Variants in FER observed in about 807,000 individuals in gnomAD.
FER encodes the protein FER tyrosine kinase, also known as tyrosine-protein kinase Fer.
Under a neutral mutation model 111.0 loss-of-function variants are expected in FER, and 63 were observed. That is an observed-to-expected ratio of 0.57 (90% CI 0.46 to 0.70). FER has a LOEUF of 0.70. Among genes scored for constraint, FER ranks in the 30% least tolerant of loss-of-function variants. The probability of loss-of-function intolerance (pLI) is 0.00; values close to 1 mark genes in which losing one functional copy is unlikely to be tolerated. For synonymous variants in FER, 327 were observed against 313.9 expected, an observed-to-expected ratio of 1.04 and a Z score of -0.44; for missense variants, 914 against 954.0, an observed-to-expected ratio of 0.96 and a Z score of 0.55.
At chr5:108,826,133 T>C (rs1362049304) in intron 3 of FER, among the ~76,000 whole-genome samples, 2 of 152,210 alleles carry the variant, frequency 1.3e-5, no homozygotes, top group African/African-American at 4.8e-5. Flanking sequence ...ATTTTTATCA[T>C]GAAAGGATGT....
chr5:109,146,150 G>T (rs999928455), intron 17 of FER, among the ~76,000 whole-genome samples: 1 of 120,030 alleles, frequency 8.3e-6, no homozygotes, highest in Non-Finnish European at 1.9e-5. Flanking sequence ...CAGAGAGGGG[G>T]ACTGATAGAA....
At chr5:109,021,846 A>G (rs1406130161) in intron 13 of FER, among the ~76,000 whole-genome samples, 1 of 152,114 alleles carries the variant, frequency 6.6e-6, no homozygotes, top group Non-Finnish European at 1.5e-5. Context: ...CATTACTACA[A>G]GAAGTAAAAT....
In FER at chr5:108,930,688, A is replaced by G. The variant is rs1025456078; in HGVS notation, c.1237-15442A>G. ...CAGGCTGGTTGTGCCATCTGGGTTC[A>G]CTGCAACCTCTGTCTCCTGAGTTCA... is the stretch of plus-strand genomic sequence containing the variant. On this transcript the variant is annotated intron_variant, in intron 10 of 19. Transcript: ENST00000281092. Among the ~76,000 whole-genome samples the G allele has an allele frequency of 3.6e-5, 5 of 139,284 alleles. No individual in the cohort carries two copies. The East Asian group carries it at 8.6e-4, about 24-fold the overall frequency. 91.4% of individuals were successfully genotyped at this position (139,284 alleles called of 152,430 possible).
intron 10 of FER, among the ~76,000 whole-genome samples, chr5:108,905,669 A>C (rs1750655990): frequency 6.6e-6 from 1 of 152,146 alleles, no homozygotes; most frequent in Admixed American, 6.5e-5. Flanking sequence ...AATTGATTTA[A>C]CAGTTAATTG....
At chr5:108,974,709 A>C (rs1561703303) in intron 13 of FER, among the ~76,000 whole-genome samples, 1 of 152,236 alleles carries the variant, frequency 6.6e-6, no homozygotes, top group Non-Finnish European at 1.5e-5. Context: ...TGGAAGAGGA[A>C]GGTAGAAGTC....
chr5:109,082,658 A>G (rs1181056082), intron 16 of FER, among the ~76,000 whole-genome samples: 4 of 151,708 alleles, frequency 2.6e-5, no homozygotes, highest in Non-Finnish European at 5.9e-5. Flanking sequence ...CCTGATTTTC[A>G]TTAAAACCCC....
chr5:108,835,193 C>T (rs577498287), intron 4 of FER, among the ~76,000 whole-genome samples: 8 of 124,376 alleles, frequency 6.4e-5, no homozygotes, highest in Non-Finnish European at 1.0e-4. Context: ...CACCCCCCCC[C>T]CCCCACTTTT....
chr5:108,771,748 G>A (rs1466572367), intron 2 of FER, among the ~76,000 whole-genome samples: 1 of 152,092 alleles, frequency 6.6e-6, no homozygotes, highest in African/African-American at 2.4e-5. Flanking sequence ...TAAAAAATAT[G>A]TTAAAAAATC....
At chr5:109,078,987 C>T (rs1378947285) in intron 16 of FER, among the ~76,000 whole-genome samples, 4 of 152,072 alleles carry the variant, frequency 2.6e-5, no homozygotes, top group Admixed American at 6.6e-5. Flanking sequence ...TATTTGTTCT[C>T]GTGTATCTGC....
At chr5:109,145,855 G>T (rs1754039127) in intron 17 of FER, among the ~76,000 whole-genome samples, 1 of 151,580 alleles carries the variant, frequency 6.6e-6, no homozygotes, top group African/African-American at 2.4e-5. Flanking sequence ...TTGAGTAGAT[G>T]TGCTGAATAT....
intron 5 of FER, among the ~76,000 whole-genome samples, chr5:108,848,328 GT>G (rs1762224473): frequency 6.6e-6 from 1 of 152,022 alleles, no homozygotes; most frequent in South Asian, 2.1e-4. Context: ...AAATGTAACT[GT>G]TTATAATGTT....
chr5:109,126,792 A>C (rs1223452594), intron 17 of FER, among the ~76,000 whole-genome samples: 1 of 152,248 alleles, frequency 6.6e-6, no homozygotes, highest in East Asian at 1.9e-4. Context: ...TAAGGTATAC[A>C]CTAGCTTTGA....
chr5:108,837,989 A>G (rs1246183886), intron 5 of FER, among the ~76,000 whole-genome samples: 9 of 152,214 alleles, frequency 5.9e-5, no homozygotes, highest in South Asian at 4.1e-4. Flanking sequence ...TACAGAATAT[A>G]TAGTTACTTT....
intron 13 of FER, 91 bp from the exon 14 acceptor site, chr5:109,037,331 C>A: frequency 3.1e-6 from 3 of 964,466 alleles, no homozygotes; most frequent in South Asian, 1.5e-5. Flanking sequence ...AATGAAATAT[C>A]CCTTTAGGTC....
At chr5:108,846,497 A>G (rs1391573885) in intron 5 of FER, among the ~76,000 whole-genome samples, 1 of 152,152 alleles carries the variant, frequency 6.6e-6, no homozygotes, top group Non-Finnish European at 1.5e-5. Flanking sequence ...TTGTCTTTTC[A>G]GGAATTTGTC....
intron 8 of FER, among the ~76,000 whole-genome samples, chr5:108,874,617 C>CTT (rs542858095): frequency 2.1e-5 from 3 of 143,632 alleles, no homozygotes; most frequent in African/African-American, 5.1e-5. Flanking sequence ...ATCTTTCTTC[C>CTT]TTTTTTTTTT....
chr5:108,773,350 C>G (rs58304901), intron 2 of FER, among the ~76,000 whole-genome samples: 38,989 of 151,892 alleles, frequency 0.26, 5,512 homozygotes, highest in African/African-American at 0.38. Flanking sequence ...TTCCCCACAC[C>G]CCTGCTGTCC....
chr5:109,109,787 A>G (rs762495969), intron 17 of FER, among the ~76,000 whole-genome samples: 3 of 152,160 alleles, frequency 2.0e-5, no homozygotes, highest in East Asian at 1.9e-4. Context: ...CGATATTTCA[A>G]TTCACCTTAC....
chr5:108,901,268 G>A (rs1214125249), intron 10 of FER, among the ~76,000 whole-genome samples: 1 of 151,906 alleles, frequency 6.6e-6, no homozygotes, highest in African/African-American at 2.4e-5. Flanking sequence ...CTATGCTAAT[G>A]AGGAAAGCTG....
Sources: allele counts gnomAD v4.1 joint callset (sites outside exome capture counted in the v4.1 genomes callset), GRCh38; gene constraint gnomAD v4.1.1; transcripts MANE v1.5; gene names NCBI Gene and HGNC (gene_info 2026-07-23, HGNC 2026-07-21).